Variants in YTHDC1 observed in about 807,000 individuals in gnomAD.
YTHDC1 encodes the protein YTH domain-containing protein 1.
YTHDC1 carries 12 observed loss-of-function variants against 107.0 expected under a neutral mutation model. The observed-to-expected ratio is 0.11, with a 90% confidence interval of 0.07 to 0.18. The LOEUF (loss-of-function observed/expected upper bound fraction) is 0.18. Among genes scored for constraint, YTHDC1 ranks in the 10% least tolerant of loss-of-function variants. YTHDC1 has a pLI of 1.00. For synonymous variants in YTHDC1, 280 were observed against 289.5 expected (o/e 0.97, Z 0.33); for missense variants, 635 against 898.8 (o/e 0.71, Z 3.75).
rs1721384020 is a variant in YTHDC1 at position 68,312,503 on chromosome 4, A to C, written c.*1596T>G. 1 of 152,214 alleles carries C rather than the reference A, an allele frequency of 6.6e-6. No homozygotes were observed. The highest frequency in any genetic ancestry group is 6.5e-5 in the Admixed American group (1 of 15,284). The allele number at this position is 152,214 out of a possible 1,614,324, so 9.4% of individuals were successfully genotyped here. Reference sequence around the variant, plus strand: ...AAAGACAATGACAAAACTAGAACCCAGGTTTCCTTAAAAGTACTTTTTCCT... The same window carrying C: ...AAAGACAATGACAAAACTAGAACCCCGGTTTCCTTAAAAGTACTTTTTCCT... On this transcript the variant is annotated 3_prime_UTR_variant, in exon 17 of 17. Transcript: ENST00000344157.
At chr4:68,318,633 C>T in intron 14 of YTHDC1, 52 bp from the exon 15 acceptor site, 1 of 1,608,002 alleles carries the variant, frequency 6.2e-7, no homozygotes, top group South Asian at 1.1e-5. Flanking sequence ...CACAGAACTG[C>T]AAAATAAATC....
intron 6 of YTHDC1, among the ~76,000 whole-genome samples, chr4:68,332,450 G>T (rs1723696488): frequency 6.6e-6 from 1 of 151,986 alleles, no homozygotes; most frequent in Non-Finnish European, 1.5e-5. Flanking sequence ...GTATGAAAAT[G>T]GTTACCAAGT....
chr4:68,317,064 C>A (rs1365368137), intron 15 of YTHDC1, among the ~76,000 whole-genome samples: 1 of 152,006 alleles, frequency 6.6e-6, no homozygotes, highest in Non-Finnish European at 1.5e-5. Flanking sequence ...GACCTTGTCT[C>A]TATAAAAAAA....
chr4:68,318,412 T>A lies in YTHDC1; in HGVS notation c.1824+107A>T. The A allele has an allele frequency of 3.4e-6, 4 of 1,174,370 alleles. No homozygotes were observed. In the Admixed American group the frequency reaches 8.1e-5, roughly 24 times the overall value. 72.7% of individuals were successfully genotyped at this position (1,174,370 alleles called of 1,614,324 possible). ...TGTGAGCCACGGCGCCTGGCCAGTT[T>A]AAGTCTCTTTAATGAGTAACTGTAA... On this transcript the variant is annotated intron_variant, in intron 15 of 16. Coordinates refer to ENST00000344157, the MANE Select transcript of YTHDC1 (RefSeq NM_001031732.4).
intron 1 of YTHDC1, among the ~76,000 whole-genome samples, chr4:68,342,540 T>C (rs1489251759): frequency 6.6e-6 from 1 of 152,180 alleles, no homozygotes; most frequent in Admixed American, 6.5e-5. Flanking sequence ...ATGACAGATG[T>C]TTCCAAAATT....
In YTHDC1 at chr4:68,337,099, T is replaced by C. The variant is rs768442650; in HGVS notation, c.811A>G (p.Ser271Gly). ...GAAACAGATTCAGAACCAGAGTCAC[T>C]GGCCTCACTTCGAGTGTCATAATCA... ...GNDYDTRSEA[S>G]DSGSESVSFT... The change falls in exon 4 of 17, where the codon AGT becomes GGT. Residue 271 changes from serine (S) to glycine (G), a missense_variant. This residue lies in a region of YTHDC1 where 294 missense variants were observed against 312.3 expected (regional missense o/e 0.94). Coordinates refer to ENST00000344157, the MANE Select transcript of YTHDC1 (RefSeq NM_001031732.4). The C allele has an allele frequency of 6.2e-7, 1 of 1,614,126 alleles. No homozygotes were observed. Among genetic ancestry groups the C allele is most frequent in the East Asian group, 2.2e-5 (1 of 44,878 alleles).
chr4:68,331,839 G>C (rs1043754312), intron 7 of YTHDC1, among the ~76,000 whole-genome samples: 2 of 151,226 alleles, frequency 1.3e-5, no homozygotes, highest in African/African-American at 4.9e-5. Flanking sequence ...ACAGAAACAG[G>C]ATCTTTTACA....
chr4:68,317,182 C>A (rs1256526012), intron 15 of YTHDC1, among the ~76,000 whole-genome samples: 1 of 152,116 alleles, frequency 6.6e-6, no homozygotes, highest in African/African-American at 2.4e-5. Flanking sequence ...TATCATCACA[C>A]CACTGCATTC....
In YTHDC1 at chr4:68,332,091, T is replaced by C. The variant is rs1254898589; in HGVS notation, c.1122+12A>G. The C allele has an allele frequency of 1.3e-6, 2 of 1,560,154 alleles. No homozygotes were observed. Among genetic ancestry groups the C allele is most frequent in the Middle Eastern group, 1.7e-4 (1 of 5,752 alleles). On this transcript the variant is annotated intron_variant, in intron 7 of 16. Transcript: ENST00000344157. Reference sequence around the variant, plus strand: ...GATATTAGGATAGTTTCAACAGAACTGATGCTAATACCTTCGCTTTGGCAA... The same window carrying C: ...GATATTAGGATAGTTTCAACAGAACCGATGCTAATACCTTCGCTTTGGCAA...
Position 68,349,651 on chromosome 4 carries a change from A to G in YTHDC1, c.28+75T>C. The G allele has an allele frequency of 1.1e-5, 3 of 275,992 alleles. No individual in the cohort carries two copies. In the East Asian group the frequency reaches 3.4e-4, roughly 31 times the overall value. 17.1% of individuals were successfully genotyped at this position (275,992 alleles called of 1,614,324 possible). ...CCCCAACCCCCACCCCCCACCCCCA[A>G]CGACGACCACTGCTCCATCACCCCA... is the stretch of plus-strand genomic sequence containing the variant. On this transcript the variant is annotated intron_variant, in intron 1 of 16. Coordinates refer to ENST00000344157, the MANE Select transcript of YTHDC1 (RefSeq NM_001031732.4).
Position 68,350,044 on chromosome 4 carries a change from C to T in YTHDC1, c.-291G>A, listed in dbSNP as rs1484294032. ...AAACAGATGGCGACGGCGGGCGGCG[C>T]TAAAATGGAGCCTGCTTCCTGCGCG... On this transcript the variant is annotated 5_prime_UTR_variant, in exon 1 of 17. Coordinates refer to ENST00000344157, the MANE Select transcript of YTHDC1 (RefSeq NM_001031732.4). 7 of 547,202 alleles carry T rather than the reference C, an allele frequency of 1.3e-5. No homozygotes were observed. The highest frequency in any genetic ancestry group is 3.2e-5 in the East Asian group (1 of 31,668). 33.9% of individuals were successfully genotyped at this position (547,202 alleles called of 1,614,324 possible). A position where few individuals can be genotyped will look rare whatever the true frequency, so the allele number is the denominator to read the frequency against.
At chr4:68,337,969 G>C in intron 2 of YTHDC1, 69 bp from the exon 3 acceptor site, 2 of 1,529,864 alleles carry the variant, frequency 1.3e-6, no homozygotes, top group Non-Finnish European at 1.7e-6. Flanking sequence ...ACCAAAGACT[G>C]ACAATAATAT....
In YTHDC1 at chr4:68,318,969, T is replaced by C. The variant is rs1722154633; in HGVS notation, c.1685-107A>G. The C allele has an allele frequency of 2.5e-6, 3 of 1,179,412 alleles. No individual in the cohort carries two copies. The Admixed American group carries it at 5.6e-5, about 22-fold the overall frequency. The allele number at this position is 1,179,412 out of a possible 1,614,324, so 73.1% of individuals were successfully genotyped here. On this transcript the variant is annotated intron_variant, in intron 12 of 16. Coordinates refer to ENST00000344157, the MANE Select transcript of YTHDC1 (RefSeq NM_001031732.4). ...GTTTCAATTCTTTCCATGAAATATG[T>C]ACTTTAAGTGATGCTACTACTGTAT...
At chr4:68,328,252 C>A (rs1158721599) in intron 9 of YTHDC1, among the ~76,000 whole-genome samples, 1 of 152,192 alleles carries the variant, frequency 6.6e-6, no homozygotes, top group African/African-American at 2.4e-5. Context: ...CTCTCCTGTT[C>A]CCAAGAAAGC....
chr4:68,319,186 C>T (rs551780659), intron 12 of YTHDC1, among the ~76,000 whole-genome samples: 23 of 152,256 alleles, frequency 1.5e-4, no homozygotes, highest in Middle Eastern at 3.4e-3. Flanking sequence ...CTATCTTGAG[C>T]ACACTATGAC....
chr4:68,346,097 A>ATG (rs1202211312), intron 1 of YTHDC1, among the ~76,000 whole-genome samples: 22 of 141,144 alleles, frequency 1.6e-4, no homozygotes, highest in Non-Finnish European at 2.7e-4. Flanking sequence ...ATATATATAT[A>ATG]TATACACACA....
chr4:68,328,553 A>AT (rs1411633092), intron 9 of YTHDC1, among the ~76,000 whole-genome samples: 2 of 152,216 alleles, frequency 1.3e-5, no homozygotes, highest in Non-Finnish European at 2.9e-5. Context: ...TTCCATGTTG[A>AT]TATGTGCACA....
chr4:68,319,029 G>C (rs938099269), intron 12 of YTHDC1, among the ~76,000 whole-genome samples, 167 bp from the exon 13 acceptor site: 1 of 152,070 alleles, frequency 6.6e-6, no homozygotes, highest in Non-Finnish European at 1.5e-5. Flanking sequence ...CAGATTACAT[G>C]ATAATCTAGG....
At chr4:68,328,290 C>A (rs115312827) in intron 9 of YTHDC1, among the ~76,000 whole-genome samples, 1 of 152,138 alleles carries the variant, frequency 6.6e-6, no homozygotes, top group East Asian at 1.9e-4. Flanking sequence ...TACATTACAA[C>A]GTTTCCTCTG....
Sources: allele counts gnomAD v4.1 joint callset (sites outside exome capture counted in the v4.1 genomes callset), GRCh38; gene constraint gnomAD v4.1.1; regional missense constraint gnomAD v4.1.1; transcripts MANE v1.5; gene names NCBI Gene and HGNC (gene_info 2026-07-23, HGNC 2026-07-21).